GTF2F2: variants seen among roughly 807,000 people sequenced by gnomAD.
GTF2F2 encodes the protein ATP-dependent helicase GTF2F2.
In GTF2F2, 23 loss-of-function variants were observed where a neutral mutation model predicts 42.2. The observed-to-expected ratio is 0.55, with a 90% CI of 0.39 to 0.77. The LOEUF (loss-of-function observed/expected upper bound fraction) is 0.77, where lower values mean the gene tolerates loss of function less well. Ranked by LOEUF, GTF2F2 falls within the 30% of genes least tolerant of loss-of-function variation. The pLI, the probability that GTF2F2 is intolerant of heterozygous loss-of-function variation, is 0.00. For synonymous variants in GTF2F2, 105 were observed against 100.8 expected, an observed-to-expected ratio of 1.04 and a Z score of -0.25; for missense variants, 261 against 287.2, an observed-to-expected ratio of 0.91 and a Z score of 0.66.
At chr13:45,246,552 A>G (rs1875629646) in intron 5 of GTF2F2, among the ~76,000 whole-genome samples, 1 of 152,180 alleles carries the variant, frequency 6.6e-6, no homozygotes, top group Admixed American at 6.5e-5. Flanking sequence ...TTTCCTAGTC[A>G]GTGATGTCCA....
chr13:45,153,645 G>T (rs915880182), intron 4 of GTF2F2, among the ~76,000 whole-genome samples: 3 of 152,074 alleles, frequency 2.0e-5, no homozygotes, highest in African/African-American at 7.2e-5. Flanking sequence ...TCTGAAATTT[G>T]TCTGAAATTA....
At chr13:45,153,211 G>C (rs1486742078) in intron 4 of GTF2F2, among the ~76,000 whole-genome samples, 1 of 151,488 alleles carries the variant, frequency 6.6e-6, no homozygotes. Context: ...GTAGAGACGG[G>C]GTTTCACCGT....
intron 5 of GTF2F2, among the ~76,000 whole-genome samples, chr13:45,235,041 CAAAAAAAAAAAAAA>C (rs61077504): frequency 6.9e-5 from 3 of 43,718 alleles, no homozygotes; most frequent in South Asian, 1.4e-3. Context: ...GCGGGAAACT[CAAAAAAAAAAAAAA>C]AAAAAAAAAA....
intron 5 of GTF2F2, among the ~76,000 whole-genome samples, chr13:45,241,802 T>A (rs2138234114): frequency 1.3e-5 from 2 of 152,296 alleles, no homozygotes; most frequent in Middle Eastern, 3.4e-3. Flanking sequence ...TTTTTCCTCC[T>A]TATTTATTTA....
At chr13:45,231,669 T>G (rs1874692852) in intron 5 of GTF2F2, among the ~76,000 whole-genome samples, 1 of 152,168 alleles carries the variant, frequency 6.6e-6, no homozygotes, top group Admixed American at 6.5e-5. Flanking sequence ...GTGACTACTC[T>G]TTCTCTCATT....
chr13:45,214,930 A>G (rs7334010), intron 5 of GTF2F2, among the ~76,000 whole-genome samples: 25,291 of 150,458 alleles, frequency 0.17, 2,556 homozygotes, highest in Non-Finnish European at 0.22. Context: ...TCATCTGAAA[A>G]TACTTGTCTT....
chr13:45,139,468 G>GTT (rs1461882824), intron 2 of GTF2F2, among the ~76,000 whole-genome samples: 1 of 152,148 alleles, frequency 6.6e-6, no homozygotes, highest in Non-Finnish European at 1.5e-5. Flanking sequence ...CTATTCTTCT[G>GTT]TTTTTTCTCT....
chr13:45,138,959 A>G (rs1191799158), intron 2 of GTF2F2, among the ~76,000 whole-genome samples: 1 of 152,198 alleles, frequency 6.6e-6, no homozygotes, highest in African/African-American at 2.4e-5. Flanking sequence ...AGTGAAGATT[A>G]TTATGAATGC....
At chr13:45,128,534 T>C (rs1255823304) in intron 1 of GTF2F2, among the ~76,000 whole-genome samples, 2 of 150,802 alleles carry the variant, frequency 1.3e-5, no homozygotes, top group Non-Finnish European at 3.0e-5. Flanking sequence ...GATCATGCCA[T>C]TGCACTCCAG....
chr13:45,196,248 T>G (rs1038121073), intron 4 of GTF2F2, among the ~76,000 whole-genome samples: 10 of 152,224 alleles, frequency 6.6e-5, no homozygotes, highest in African/African-American at 2.4e-4. Context: ...GAAATTCAAC[T>G]TCCTCATTTC....
At chr13:45,212,503 C>CT (rs1555269208) in intron 5 of GTF2F2, among the ~76,000 whole-genome samples, 2 of 100,908 alleles carry the variant, frequency 2.0e-5, no homozygotes, top group African/African-American at 8.1e-5. Flanking sequence ...TTCTTTCTTT[C>CT]TTTCTTTTCT....
intron 5 of GTF2F2, among the ~76,000 whole-genome samples, chr13:45,218,171 C>T (rs562203583): frequency 6.6e-6 from 1 of 152,182 alleles, no homozygotes; most frequent in Non-Finnish European, 1.5e-5. Flanking sequence ...ACAACCATCT[C>T]TGCTTCGTGG....
intron 4 of GTF2F2, among the ~76,000 whole-genome samples, chr13:45,199,583 G>A (rs1224694239): frequency 1.3e-5 from 2 of 152,058 alleles, no homozygotes; most frequent in South Asian, 4.1e-4. Flanking sequence ...AACCAGATGA[G>A]CATAGCACTT....
intron 4 of GTF2F2, among the ~76,000 whole-genome samples, chr13:45,163,615 T>G (rs1298928543): frequency 1.3e-5 from 2 of 152,204 alleles, no homozygotes; most frequent in African/African-American, 4.8e-5. Context: ...TTAAAATACT[T>G]TAATTTTAAA....
intron 4 of GTF2F2, among the ~76,000 whole-genome samples, chr13:45,178,755 C>G (rs925188928): frequency 9.9e-5 from 15 of 152,104 alleles, no homozygotes; most frequent in African/African-American, 2.9e-4. Flanking sequence ...CAAATCACCA[C>G]CAAACTGGGG....
At chr13:45,262,986 A>G (rs1820432735) in intron 6 of GTF2F2, among the ~76,000 whole-genome samples, 1 of 152,210 alleles carries the variant, frequency 6.6e-6, no homozygotes, top group Admixed American at 6.5e-5. Context: ...TTGGCCTCCC[A>G]GAGCACTAGG....
In GTF2F2 at chr13:45,229,919, A is replaced by G. The variant is rs114865610; in HGVS notation, c.386+22414A>G. Among the ~76,000 whole-genome samples the G allele has an allele frequency of 6.0e-3, 915 of 152,078 alleles. 10 individuals are homozygous for G. Among genetic ancestry groups the G allele is most frequent in the African/African-American group, 0.021 (874 of 41,516 alleles). ...CAACCTATGTGTGGTTAGGGTGCTT[A>G]AGTATGGTAGGAGAGGCCTGGTGCG... On this transcript the variant is annotated intron_variant, in intron 5 of 7. Coordinates refer to ENST00000340473, the MANE Select transcript of GTF2F2 (RefSeq NM_004128.3).
At chr13:45,161,227 C>T (rs970064429) in intron 4 of GTF2F2, among the ~76,000 whole-genome samples, 1 of 152,146 alleles carries the variant, frequency 6.6e-6, no homozygotes. Flanking sequence ...GCCTTACCCA[C>T]CGTTGCTTTT....
At chr13:45,205,770 G>T (rs967321194) in intron 4 of GTF2F2, among the ~76,000 whole-genome samples, 1 of 152,040 alleles carries the variant, frequency 6.6e-6, no homozygotes, top group African/African-American at 2.4e-5. Flanking sequence ...TGCCTGCCTC[G>T]GCCTCCCAAA....
Sources: allele counts gnomAD v4.1 joint callset (sites outside exome capture counted in the v4.1 genomes callset), GRCh38; gene constraint gnomAD v4.1.1; transcripts MANE v1.5; gene names NCBI Gene and HGNC (gene_info 2026-07-23, HGNC 2026-07-21).